Variants in RNF20 observed in about 807,000 individuals in gnomAD.
RNF20 encodes the protein ring finger protein 20.
RNF20 carries 84 observed loss-of-function variants against 126.2 expected under a neutral mutation model. The ratio of observed to expected loss-of-function variants is 0.67; its 90% CI spans 0.56 to 0.80. RNF20 has a LOEUF of 0.80. Ranked by LOEUF, RNF20 falls within the 30% of genes least tolerant of loss-of-function variation. The pLI, the probability that RNF20 is intolerant of heterozygous loss-of-function variation, is 0.00. For missense variants in RNF20, 869 were observed against 1,188.2 expected (o/e 0.73, Z 3.95); for synonymous variants, 400 against 414.3 (o/e 0.97, Z 0.42).
chr9:101,550,399 C>A lies in RNF20; in HGVS notation c.1093-207C>A, dbSNP rs572460833. Among the ~76,000 whole-genome samples the A allele has an allele frequency of 4.6e-5, 7 of 152,312 alleles. No individual in the cohort carries two copies. In the East Asian group the frequency reaches 1.4e-3, roughly 29 times the overall value. Reference sequence around the variant, plus strand: ...AAAACAATTCTAGGAGGAAAGAATACAGTATATCCAGGTACCATCTCCTAG... The same window carrying A: ...AAAACAATTCTAGGAGGAAAGAATAAAGTATATCCAGGTACCATCTCCTAG... On this transcript the variant is annotated intron_variant, in intron 9 of 19. Coordinates refer to ENST00000389120, the MANE Select transcript of RNF20 (RefSeq NM_019592.7).
intron 14 of RNF20, among the ~76,000 whole-genome samples, 153 bp downstream of exon 14, chr9:101,554,258 G>C (rs1306077360): frequency 6.6e-6 from 1 of 152,182 alleles, no homozygotes. Flanking sequence ...ATCTGAAGTA[G>C]AGATTTTAAA....
rs371461172 is a variant in RNF20, at chr9:101,561,193, C to T, written c.2612C>T (p.Thr871Ile). Residue 871 changes from threonine to isoleucine, a missense_variant, in exon 18 of 20, where the codon ACC becomes ATC. Physicochemically the swap from Thr to Ile is moderately conservative, Grantham distance 89 (BLOSUM62 -1). This residue lies in a region of RNF20 where 150 missense variants were observed against 173.7 expected (regional missense o/e 0.86). Coordinates refer to ENST00000389120, the MANE Select transcript of RNF20 (RefSeq NM_019592.7). ...FQDEIVENSVTKEKDMFNFKR... is the reference protein window; with the variant it reads ...FQDEIVENSVIKEKDMFNFKR... ...GATGAGATCGTGGAGAACAGTGTTA[C>T]CAAAGAAAAGGACATGTTCAATTTC... 99 of 1,613,704 alleles carry T rather than the reference C, an allele frequency of 6.1e-5. No homozygotes were observed. The highest frequency in any genetic ancestry group is 3.3e-4 in the Middle Eastern group (2 of 6,080).
At chr9:101,550,071 T>C (rs1827418112) in intron 9 of RNF20, among the ~76,000 whole-genome samples, 1 of 152,232 alleles carries the variant, frequency 6.6e-6, no homozygotes, top group South Asian at 2.1e-4. Context: ...CTTTCGATCA[T>C]AGTCATCTCT....
chr9:101,540,860 G>A lies in RNF20; in HGVS notation c.513G>A (p.Glu171=). The change falls in exon 5 of 20, where the codon GAG becomes GAA. Residue 171 remains glutamate, a synonymous_variant. Coordinates refer to ENST00000389120, the MANE Select transcript of RNF20 (RefSeq NM_019592.7). ...CCAGCAGTTCCAGTGAAGAGATGGA[G>A]TCTCAGCTGCAGGAACGTGTGGAGT... ...TLASSSSEEM[E]SQLQERVESS... 1.9e-6 allele frequency: 3 copies of A among 1,614,004 alleles called. No homozygotes were observed. The highest frequency in any genetic ancestry group is 2.5e-6 in the Non-Finnish European group (3 of 1,179,996).
At chr9:101,534,598 A>C (rs1827153331) in intron 1 of RNF20, among the ~76,000 whole-genome samples, 1 of 152,196 alleles carries the variant, frequency 6.6e-6, no homozygotes, top group Non-Finnish European at 1.5e-5. Flanking sequence ...AAGCATAGGA[A>C]GTATATACTG....
At position 101,562,573 on chromosome 9, in the gene RNF20, C is replaced by G. The variant is rs1827645423; in HGVS notation, c.*151C>G. 4 of 646,724 alleles carry G rather than the reference C, an allele frequency of 6.2e-6. No homozygotes were observed. The highest frequency in any genetic ancestry group is 7.6e-6 in the Non-Finnish European group (3 of 396,074). The allele number at this position is 646,724 out of a possible 1,614,324, so 40.1% of individuals were successfully genotyped here. Reference sequence around the variant, plus strand: ...GACTTTACTTCCAGGCTCTCCTCTTCAGTAGCTGGATGACTTTAGCAGAAA... The same window carrying G: ...GACTTTACTTCCAGGCTCTCCTCTTGAGTAGCTGGATGACTTTAGCAGAAA... On this transcript the variant is annotated 3_prime_UTR_variant, in exon 20 of 20. Transcript: ENST00000389120.
intron 16 of RNF20, 99 bp downstream of exon 16, chr9:101,557,695 T>C: frequency 1.1e-6 from 1 of 930,638 alleles, no homozygotes; most frequent in East Asian, 2.6e-5. Flanking sequence ...ATTTTTGTGA[T>C]TGGAAAAAAA....
Position 101,540,211 on chromosome 9 carries a change from A to G in RNF20, c.138A>G (p.Leu46=), listed in dbSNP as rs1827237375. The G allele has an allele frequency of 6.2e-7, 1 of 1,614,084 alleles. No homozygotes were observed. Among genetic ancestry groups the G allele is most frequent in the Non-Finnish European group, 8.5e-7 (1 of 1,179,936 alleles). ...ATTGGTTTACTGGGCAGGAGGAACT[A>G]GACATTAGAACACTGCAAACCAAAA... is the stretch of plus-strand genomic sequence containing the variant. ...KLGGVSSTEE[L]DIRTLQTKNR... is the part of the protein sequence containing the mutation. Residue 46 remains leucine (L), a synonymous_variant, in exon 3 of 20, where the codon CTA becomes CTG. Coordinates refer to ENST00000389120, the MANE Select transcript of RNF20 (RefSeq NM_019592.7).
chr9:101,535,593 T>C (rs770366501), intron 2 of RNF20, 41 bp downstream of exon 2: 100 of 1,579,832 alleles, frequency 6.3e-5, no homozygotes, highest in Non-Finnish European at 8.0e-5. Context: ...TTGTCTTCTG[T>C]CAGTTGCAAC....
In RNF20 at chr9:101,552,578, A is replaced by G. The variant is rs966981628; in HGVS notation, c.1726A>G (p.Lys576Glu). 13 of 1,600,228 alleles carry G rather than the reference A, an allele frequency of 8.1e-6. No homozygotes were observed. The highest frequency in any genetic ancestry group is 3.3e-5 in the Admixed American group (2 of 59,934). Reference protein sequence around the residue: ...EEERERERREKEREREREREK... With the variant: ...EEERERERREEEREREREREK... ...AGAACGAGAACGAGAAAGGAGGGAG[A>G]AGGAGAGGGAACGAGAAAGAGAACG... The change falls in exon 13 of 20, where the codon AAG (lysine) becomes GAG (glutamate). Residue 576 changes from lysine to glutamate, a missense_variant. Physicochemically the swap from Lys to Glu is moderately conservative, Grantham distance 56. Around this residue, in one of 8 missense-constraint regions of RNF20, gnomAD observed 231 missense variants for 263.6 expected, o/e 0.88. Coordinates refer to ENST00000389120, the MANE Select transcript of RNF20 (RefSeq NM_019592.7).
chr9:101,563,136 T>A lies in RNF20; in HGVS notation c.*714T>A, dbSNP rs1313792029. 5 of 152,548 alleles carry A rather than the reference T, an allele frequency of 3.3e-5. No homozygotes were observed. The highest frequency in any genetic ancestry group is 1.2e-4 in the African/African-American group (5 of 41,444). 9.4% of individuals were successfully genotyped at this position (152,548 alleles called of 1,614,324 possible). On this transcript the variant is annotated 3_prime_UTR_variant, in exon 20 of 20. Transcript: ENST00000389120. ...CCTTTGTCTTCTAATGAAATAAAGA[T>A]TGAAGAGGTTGAGTCAGGACTGAGC...
At position 101,552,751 on chromosome 9, in the gene RNF20, C is replaced by T; in HGVS notation, c.1899C>T (p.Leu633=). 6.2e-7 allele frequency: 1 copy of T among 1,601,986 alleles called. No individual in the cohort carries two copies. Among genetic ancestry groups the T allele is most frequent in the African/African-American group, 1.3e-5 (1 of 74,376 alleles). ...AEIIKQLKIE[L]KKAQESQKEM... ...TTATCAAACAATTGAAGATTGAACT[C>T]AAGTAAGAACCACATTTAGAGTAAC... The change falls in exon 13 of 20, where the codon CTC becomes CTT. Residue 633 remains leucine (L), a splice_region_variant and synonymous_variant. Coordinates refer to ENST00000389120, the MANE Select transcript of RNF20 (RefSeq NM_019592.7).
At chr9:101,557,330 TC>T in intron 15 of RNF20, 53 bp from the exon 16 acceptor site, 1 of 1,344,360 alleles carries the variant, frequency 7.4e-7, no homozygotes. Context: ...CCTGTGCTCT[TC>T]CATTGAAGTT....
At chr9:101,561,057 C>T (rs750468534) in intron 17 of RNF20, 33 bp from the exon 18 acceptor site, 2 of 1,610,318 alleles carry the variant, frequency 1.2e-6, no homozygotes, top group Non-Finnish European at 1.7e-6. Flanking sequence ...ATAGGTGATA[C>T]AATGGTGTCA....
chr9:101,554,868 T>C (rs1339898389), intron 15 of RNF20, 25 bp downstream of exon 15: 7 of 1,383,026 alleles, frequency 5.1e-6, no homozygotes, highest in Non-Finnish European at 6.6e-6. Flanking sequence ...TTTATTTAAT[T>C]GACTTTTTGA....
At chr9:101,562,056 A>C (rs955018100) in intron 19 of RNF20, 45 bp downstream of exon 19, 3 of 1,433,150 alleles carry the variant, frequency 2.1e-6, no homozygotes, top group Non-Finnish European at 2.9e-6. Flanking sequence ...CAAAGCTTTA[A>C]GTGGCCTAAT....
intron 13 of RNF20, 146 bp downstream of exon 13, chr9:101,552,899 G>T: frequency 1.2e-6 from 1 of 820,750 alleles, no homozygotes; most frequent in Non-Finnish European, 1.9e-6. Flanking sequence ...TCGTGTTCAA[G>T]TGCACAGCCA....
At chr9:101,535,330 C>CT in intron 1 of RNF20, 68 bp from the exon 2 acceptor site, 2 of 1,302,282 alleles carry the variant, frequency 1.5e-6, no homozygotes, top group Non-Finnish European at 2.1e-6. Context: ...AGTTTTTACT[C>CT]TATTGTTTTA....
At chr9:101,557,003 T>A (rs946568688) in intron 15 of RNF20, among the ~76,000 whole-genome samples, 1 of 152,240 alleles carries the variant, frequency 6.6e-6, no homozygotes, top group Non-Finnish European at 1.5e-5. Context: ...TACAAGGCTT[T>A]AGATGTTTGC....
Sources: gnomAD v4.1 joint callset for allele counts (sites outside exome capture counted in the v4.1 genomes callset) on GRCh38, gnomAD v4.1.1 for gene constraint, gnomAD v4.1.1 regional missense constraint, MANE v1.5 for transcripts, NCBI Gene and HGNC (gene_info 2026-07-23, HGNC 2026-07-21) for gene names.